Variants in SLC30A6 observed in about 807,000 individuals in gnomAD.
SLC30A6 encodes the protein solute carrier family 30 member 6.
A neutral mutation model predicts 63.0 loss-of-function variants in SLC30A6; 55 were observed. That is an observed-to-expected ratio of 0.87 (90% CI 0.70 to 1.09). The LOEUF is 1.09. SLC30A6 is among the 50% of genes least tolerant of loss of function. SLC30A6 has a pLI of 0.00. For missense variants in SLC30A6, 587 were observed against 549.2 expected, an observed-to-expected ratio of 1.07 and a Z score of -0.69; for synonymous variants, 224 against 186.1, an observed-to-expected ratio of 1.20 and a Z score of -1.66.
intron 5 of SLC30A6, among the ~76,000 whole-genome samples, chr2:32,187,813 A>T (rs1344650715): frequency 6.6e-6 from 1 of 152,184 alleles, no homozygotes; most frequent in African/African-American, 2.4e-5. Context: ...ACTGTCTCTC[A>T]TCACCCACAT....
At chr2:32,185,749 T>C (rs1446294689) in intron 5 of SLC30A6, among the ~76,000 whole-genome samples, 2 of 152,172 alleles carry the variant, frequency 1.3e-5, no homozygotes, top group African/African-American at 4.8e-5. Flanking sequence ...AGACGGATTC[T>C]CACTCTGTCA....
chr2:32,186,996 C>CAAAAAAAAAA (rs760128005), intron 5 of SLC30A6, among the ~76,000 whole-genome samples: 1 of 51,240 alleles, frequency 2.0e-5, no homozygotes, highest in African/African-American at 7.1e-5. Context: ...ACGCTGTCTC[C>CAAAAAAAAAA]AAAAAAAAAA....
intron 3 of SLC30A6, among the ~76,000 whole-genome samples, 159 bp downstream of exon 3, chr2:32,174,306 A>C (rs890379211): frequency 6.6e-6 from 1 of 152,094 alleles, no homozygotes; most frequent in African/African-American, 2.4e-5. Flanking sequence ...GTAAACTGTA[A>C]ACTTTTGTTC....
At position 32,220,898 on chromosome 2, in the gene SLC30A6, G is replaced by T. The variant is rs140503946; in HGVS notation, c.*185G>T. 1 of 589,034 alleles carries T rather than the reference G, an allele frequency of 1.7e-6. No individual in the cohort carries two copies. Among genetic ancestry groups the T allele is most frequent in the Non-Finnish European group, 2.9e-6 (1 of 348,952 alleles). The allele number at this position is 589,034 out of a possible 1,614,324, so 36.5% of individuals were successfully genotyped here. On this transcript the variant is annotated 3_prime_UTR_variant, in exon 14 of 14. Transcript: ENST00000282587. ...ATGTATTTGTGACAGTGAAATCCTCGTAAATGTTAAAGGCTTTAAATAGGC... is the reference window on the plus strand; with the variant it reads ...ATGTATTTGTGACAGTGAAATCCTCTTAAATGTTAAAGGCTTTAAATAGGC...
Position 32,192,412 on chromosome 2 carries a change from G to T in SLC30A6, c.361G>T (p.Glu121Ter), listed in dbSNP as rs1451224155. ...AQLGALFILK[E>*]SAERFLEQPE... The stretch of plus-strand genomic sequence containing the variant: ...GTTGGGAGCTCTCTTTATATTAAAA[G>T]AAAGGTACATTTGTATAGGATATTA... The change falls in exon 6 of 14, where the codon GAA becomes TAA. Residue 121 changes from glutamate (E) to a stop codon, truncating the protein, a stop_gained. Transcript: ENST00000282587. LOFTEE classifies it high-confidence loss of function. 2 of 1,613,048 alleles carry T rather than the reference G, an allele frequency of 1.2e-6. No individual in the cohort carries two copies. Among genetic ancestry groups the T allele is most frequent in the Non-Finnish European group, 1.7e-6 (2 of 1,179,208 alleles).
At chr2:32,187,284 C>T (rs376975972) in intron 5 of SLC30A6, 8 of 468,892 alleles carry the variant, frequency 1.7e-5, no homozygotes, top group African/African-American at 1.0e-4. Context: ...TAAATTACTA[C>T]TGTTAAAATA....
chr2:32,219,747 A>T (rs1402178176), intron 13 of SLC30A6, among the ~76,000 whole-genome samples: 2 of 152,104 alleles, frequency 1.3e-5, no homozygotes, highest in African/African-American at 4.8e-5. Context: ...GGACTTCTTT[A>T]TATATTGGTA....
chr2:32,200,146 T>G (rs912997279), intron 10 of SLC30A6, among the ~76,000 whole-genome samples: 1 of 152,062 alleles, frequency 6.6e-6, no homozygotes, highest in African/African-American at 2.4e-5. Flanking sequence ...TATATGTTTA[T>G]TTGTCCCCTC....
chr2:32,174,410 C>T (rs1241900948), intron 3 of SLC30A6, among the ~76,000 whole-genome samples: 2 of 151,906 alleles, frequency 1.3e-5, no homozygotes, highest in Non-Finnish European at 2.9e-5. Flanking sequence ...CCAGGCTGGT[C>T]TCAAAATCCT....
chr2:32,192,787 C>T (rs1281406226), intron 6 of SLC30A6, 131 bp from the exon 7 acceptor site: 3 of 546,030 alleles, frequency 5.5e-6, no homozygotes, highest in African/African-American at 3.9e-5. Flanking sequence ...CTTGCCTCAT[C>T]ACTGCTAATA....
At chr2:32,180,201 A>G (rs933595067) in intron 4 of SLC30A6, among the ~76,000 whole-genome samples, 2 of 152,114 alleles carry the variant, frequency 1.3e-5, no homozygotes, top group Admixed American at 1.3e-4. Context: ...CAGGAGTTCA[A>G]GACCAGCCTG....
At chr2:32,194,964 G>A (rs1407050359) in intron 8 of SLC30A6, among the ~76,000 whole-genome samples, 1 of 152,092 alleles carries the variant, frequency 6.6e-6, no homozygotes, top group Non-Finnish European at 1.5e-5. Context: ...AAGGAAATAA[G>A]ACTACTGATA....
At chr2:32,206,057 C>A (rs181949552) in intron 11 of SLC30A6, among the ~76,000 whole-genome samples, 1 of 152,196 alleles carries the variant, frequency 6.6e-6, no homozygotes, top group Admixed American at 6.5e-5. Context: ...TATTTCCTGC[C>A]ACTGAATCAG....
intron 1 of SLC30A6, 125 bp downstream of exon 1, chr2:32,166,028 C>A: frequency 7.2e-7 from 1 of 1,397,704 alleles, no homozygotes; most frequent in Non-Finnish European, 1.0e-6. Flanking sequence ...AAGTCGGGCC[C>A]CTTGGCAGGA....
chr2:32,214,083 C>T (rs545735788), intron 13 of SLC30A6, among the ~76,000 whole-genome samples: 2 of 152,084 alleles, frequency 1.3e-5, no homozygotes, highest in Admixed American at 6.5e-5. Flanking sequence ...GATGCCCCAC[C>T]ATGCCCCACG....
intron 13 of SLC30A6, among the ~76,000 whole-genome samples, chr2:32,211,817 A>G (rs1174168960): frequency 6.6e-6 from 1 of 151,814 alleles, no homozygotes; most frequent in Non-Finnish European, 1.5e-5. Context: ...ATGGGGTTTT[A>G]CCATGTTGAC....
chr2:32,174,547 G>GTTTT (rs1169226985), intron 3 of SLC30A6, among the ~76,000 whole-genome samples: 2 of 85,740 alleles, frequency 2.3e-5, no homozygotes, highest in Admixed American at 1.7e-4. Flanking sequence ...TCTATCTGGA[G>GTTTT]ATTTTTTTTT....
In SLC30A6 at chr2:32,192,984, TATTG is replaced by T. The variant is rs376035391; in HGVS notation, c.401+35_401+38del. ...ATTTTATTTTCAATATATAATTTACTATTGATTCTTAATTATTAATTGATGTATT... is the reference window on the plus strand; with the variant it reads ...ATTTTATTTTCAATATATAATTTACTATTCTTAATTATTAATTGATGTATT... On this transcript the variant is annotated intron_variant, in intron 7 of 13. Coordinates refer to ENST00000282587, the MANE Select transcript of SLC30A6 (RefSeq NM_017964.5). 1.3e-4 allele frequency: 174 copies of T among 1,316,542 alleles called. 1 individual carries two copies. In the African/African-American group the frequency reaches 2.5e-3, roughly 19 times the overall value. The allele number at this position is 1,316,542 out of a possible 1,614,324, so 81.6% of individuals were successfully genotyped here. A position where few individuals can be genotyped will look rare whatever the true frequency, so the allele number is the denominator to read the frequency against.
At chr2:32,203,524 T>C in intron 10 of SLC30A6, 1 of 1,606,406 alleles carries the variant, frequency 6.2e-7, no homozygotes, top group Middle Eastern at 2.2e-4. Context: ...CATCAGGCTT[T>C]GAACCACGAT....
Sources: allele counts gnomAD v4.1 joint callset (sites outside exome capture counted in the v4.1 genomes callset), GRCh38; gene constraint gnomAD v4.1.1; transcripts MANE v1.5; gene names NCBI Gene and HGNC (gene_info 2026-07-23, HGNC 2026-07-21).